PAK3: variants seen among roughly 807,000 people sequenced by gnomAD.
PAK3 encodes serine/threonine-protein kinase PAK 3.
In PAK3, 4 loss-of-function variants were observed where a neutral mutation model predicts 41.0. The observed-to-expected ratio is 0.10, with a 90% CI of 0.05 to 0.22. The LOEUF (loss-of-function observed/expected upper bound fraction) is 0.22, where lower values mean the gene tolerates loss of function less well. Ranked by LOEUF, PAK3 falls within the 10% of genes least tolerant of loss-of-function variation. The probability of loss-of-function intolerance (pLI) is 1.00; values close to 1 mark genes in which losing one functional copy is unlikely to be tolerated. For missense variants in PAK3, 205 were observed against 409.9 expected (o/e 0.50, Z 4.32); for synonymous variants, 146 against 139.6 (o/e 1.05, Z -0.32).
At chrX:110,965,780 A>T (rs776846030) in intron 1 of PAK3, among the ~76,000 whole-genome samples, 120 of 112,247 alleles carry the variant, frequency 1.1e-3, no homozygotes, top group Non-Finnish European at 2.0e-3. Context: ...TGGACTAGGT[A>T]CTCTTCTAAG....
chrX:110,958,084 A>C (rs2148606592), intron 1 of PAK3, among the ~76,000 whole-genome samples: 1 of 112,038 alleles, frequency 8.9e-6, no homozygotes, highest in South Asian at 3.8e-4. Flanking sequence ...ACCTAAGCTG[A>C]GGCCTGAAAC....
intron 1 of PAK3, among the ~76,000 whole-genome samples, chrX:110,983,817 A>C (rs1311866262): frequency 1.8e-5 from 2 of 111,156 alleles, no homozygotes; most frequent in African/African-American, 6.6e-5. Context: ...TTTTTTCTGC[A>C]AATACATTCC....
intron 1 of PAK3, among the ~76,000 whole-genome samples, chrX:111,011,781 A>G (rs1049891025): frequency 8.9e-6 from 1 of 111,960 alleles, no homozygotes; most frequent in African/African-American, 3.3e-5. Flanking sequence ...AGACATCCAT[A>G]GGGGATTTTG....
intron 8 of PAK3, among the ~76,000 whole-genome samples, chrX:111,158,899 A>G (rs2094138377): frequency 9.0e-6 from 1 of 111,376 alleles, no homozygotes; most frequent in Non-Finnish European, 1.9e-5. Context: ...TTGCCCCAGT[A>G]GGCAGACTGA....
intron 4 of PAK3, among the ~76,000 whole-genome samples, chrX:111,112,766 A>C (rs1005216019): frequency 2.1e-4 from 23 of 111,861 alleles, no homozygotes; most frequent in African/African-American, 7.1e-4. Flanking sequence ...GTTTATAAAA[A>C]ATCTACTAAA....
intron 1 of PAK3, among the ~76,000 whole-genome samples, chrX:111,065,844 C>A (rs1004993249): frequency 8.9e-6 from 1 of 111,733 alleles, no homozygotes; most frequent in African/African-American, 3.3e-5. Flanking sequence ...AGTTTGTGTG[C>A]ATATAGGTGT....
intron 1 of PAK3, among the ~76,000 whole-genome samples, chrX:111,031,467 T>C (rs971099571): frequency 2.0e-4 from 23 of 112,290 alleles, no homozygotes; most frequent in Non-Finnish European, 3.6e-4. Context: ...TCATGCTTAG[T>C]GACTGTAGTG....
At chrX:111,130,169 C>G (rs2093698444) in intron 5 of PAK3, among the ~76,000 whole-genome samples, 1 of 111,667 alleles carries the variant, frequency 9.0e-6, no homozygotes. Context: ...ATCACTGTTG[C>G]TGAATGTTTT....
At chrX:111,013,606 A>G (rs752730993) in intron 1 of PAK3, among the ~76,000 whole-genome samples, 24 of 111,406 alleles carry the variant, frequency 2.2e-4, no homozygotes, top group African/African-American at 7.2e-4. Flanking sequence ...TTGGAGCCCA[A>G]TCTAAAATAG....
rs763245844 is a variant in PAK3, at chrX:111,223,956, T to G, written c.*3509T>G. On this transcript the variant is annotated 3_prime_UTR_variant, in exon 18 of 18. Coordinates refer to ENST00000372007, the MANE Select transcript of PAK3 (RefSeq NM_002578.5). Reference sequence around the variant, plus strand: ...GTGAATTTTTTTTTCTTTTTAAAATTTTATTTGATATTGTTATAATATTGC... The same window carrying G: ...GTGAATTTTTTTTTCTTTTTAAAATGTTATTTGATATTGTTATAATATTGC... 8.9e-6 allele frequency: 1 copy of G among 111,996 alleles called. No homozygotes were observed. The highest frequency in any genetic ancestry group is 3.2e-5 in the African/African-American group (1 of 30,902). The allele number at this position is 111,996 out of a possible 1,213,427, so 9.2% of individuals were successfully genotyped here.
At chrX:110,976,164 G>A (rs1602614241) in intron 1 of PAK3, among the ~76,000 whole-genome samples, 1 of 112,231 alleles carries the variant, frequency 8.9e-6, no homozygotes, top group Non-Finnish European at 1.9e-5. Context: ...CCATTAGAGT[G>A]AACAGGCAAC....
At chrX:110,954,678 C>A (rs961589102) in intron 1 of PAK3, among the ~76,000 whole-genome samples, 1 of 111,448 alleles carries the variant, frequency 9.0e-6, no homozygotes, top group Non-Finnish European at 1.9e-5. Context: ...CAAAATGTTG[C>A]CAGAATTATT....
At chrX:111,183,592 A>T (rs958075464) in intron 11 of PAK3, among the ~76,000 whole-genome samples, 2 of 111,107 alleles carry the variant, frequency 1.8e-5, no homozygotes, top group African/African-American at 6.5e-5. Flanking sequence ...ATCCATTTCC[A>T]TGCTGAAATC....
intron 1 of PAK3, among the ~76,000 whole-genome samples, chrX:110,994,806 A>C (rs1281707603): frequency 9.0e-6 from 1 of 111,428 alleles, no homozygotes; most frequent in Non-Finnish European, 1.9e-5. Flanking sequence ...AGTTATCCTC[A>C]TCTATGGAGT....
At chrX:110,955,101 G>A (rs2090827622) in intron 1 of PAK3, among the ~76,000 whole-genome samples, 1 of 112,156 alleles carries the variant, frequency 8.9e-6, no homozygotes, top group Admixed American at 9.4e-5. Flanking sequence ...TTGGCATCCA[G>A]CAATACAGAC....
chrX:110,965,231 G>T (rs2091058076), intron 1 of PAK3, among the ~76,000 whole-genome samples: 1 of 112,077 alleles, frequency 8.9e-6, no homozygotes, highest in Non-Finnish European at 1.9e-5. Flanking sequence ...ATTGCAAATG[G>T]GACGGAGAAA....
At chrX:110,993,858 A>G (rs2040904818) in intron 1 of PAK3, among the ~76,000 whole-genome samples, 2 of 111,653 alleles carry the variant, frequency 1.8e-5, no homozygotes, top group Non-Finnish European at 3.8e-5. Context: ...AATTCTGTGC[A>G]CCGACACTGT....
At chrX:111,172,675 T>A (rs934378080) in intron 10 of PAK3, among the ~76,000 whole-genome samples, 1 of 111,549 alleles carries the variant, frequency 9.0e-6, no homozygotes, top group South Asian at 3.7e-4. Context: ...ATTTTTTTTA[T>A]ATCCTAATAT....
intron 8 of PAK3, among the ~76,000 whole-genome samples, chrX:111,153,081 G>T (rs928521833): frequency 9.0e-6 from 1 of 111,552 alleles, no homozygotes; most frequent in African/African-American, 3.2e-5. Flanking sequence ...AGAACTTTGA[G>T]AATAATAATC....
Sources: gnomAD v4.1 joint callset for allele counts (sites outside exome capture counted in the v4.1 genomes callset) on GRCh38, gnomAD v4.1.1 for gene constraint, MANE v1.5 for transcripts, NCBI Gene and HGNC (gene_info 2026-07-23, HGNC 2026-07-21) for gene names.